Variants in OGT observed in about 807,000 individuals in gnomAD.
The protein encoded by OGT is UDP-N-acetylglucosamine--peptide N-acetylglucosaminyltransferase 110 kDa subunit.
A neutral mutation model predicts 75.8 loss-of-function variants in OGT; 3 were observed. The observed-to-expected ratio is 0.04, with a 90% CI of 0.02 to 0.10. OGT has a LOEUF of 0.10. Ranked by LOEUF, OGT falls within the 10% of genes least tolerant of loss-of-function variation. The pLI, the probability that OGT is intolerant of heterozygous loss-of-function variation, is 1.00. For missense variants in OGT, 260 were observed against 824.4 expected (o/e 0.32, Z 8.38); for synonymous variants, 257 against 289.7 (o/e 0.89, Z 1.15).
intron 5 of OGT, among the ~76,000 whole-genome samples, chrX:71,553,075 A>G (rs1477038570): frequency 8.9e-6 from 1 of 111,991 alleles, no homozygotes; most frequent in African/African-American, 3.2e-5. Flanking sequence ...TTGTCATCTA[A>G]GTGAAGATGA....
chrX:71,537,265 G>A (rs963385030), intron 2 of OGT, among the ~76,000 whole-genome samples: 2 of 110,393 alleles, frequency 1.8e-5, no homozygotes, highest in Non-Finnish European at 3.8e-5. Context: ...ACCGCGCCCG[G>A]CCAATGTGGT....
chrX:71,571,457 G>A (rs2040457821), intron 21 of OGT, among the ~76,000 whole-genome samples: 1 of 112,300 alleles, frequency 8.9e-6, no homozygotes, highest in African/African-American at 3.2e-5. Flanking sequence ...CTGGAGTACA[G>A]TGATACGATC....
intron 5 of OGT, among the ~76,000 whole-genome samples, chrX:71,548,381 G>A (rs1453221715): frequency 9.0e-6 from 1 of 111,312 alleles, no homozygotes; most frequent in Non-Finnish European, 1.9e-5. Context: ...AGGCTGCAGT[G>A]AGCTGTGACC....
In OGT at chrX:71,568,294, A is replaced by G. The variant is rs181446226; in HGVS notation, c.2966+178A>G. Among the ~76,000 whole-genome samples the G allele has an allele frequency of 3.1e-3, 353 of 112,842 alleles. 1 individual carries two copies. The highest frequency in any genetic ancestry group is 6.2e-3 in the Admixed American group (66 of 10,648). The stretch of plus-strand genomic sequence containing the variant: ...AGTGATCAATAGGTTTTACTATGTA[A>G]AAAGTAAATGGCTGAATAAAAAATA... On this transcript the variant is annotated intron_variant, in intron 21 of 21. Transcript: ENST00000373719.
chrX:71,541,267 G>C (rs2040216864), intron 3 of OGT, among the ~76,000 whole-genome samples: 1 of 111,922 alleles, frequency 8.9e-6, no homozygotes, highest in Non-Finnish European at 1.9e-5. Context: ...ACTTGTTACT[G>C]CTGAGCCTCT....
intron 4 of OGT, 147 bp downstream of exon 4, chrX:71,544,782 G>T: frequency 2.1e-6 from 1 of 477,340 alleles, no homozygotes; most frequent in Non-Finnish European, 3.6e-6. Flanking sequence ...TCAGAATAGA[G>T]CAGGGCCAGG....
intron 12 of OGT, among the ~76,000 whole-genome samples, chrX:71,559,020 C>T (rs1459163274): frequency 2.9e-5 from 3 of 103,674 alleles, no homozygotes; most frequent in South Asian, 4.5e-4. Flanking sequence ...TGACCTCAAG[C>T]GATCCACCTC....
At chrX:71,539,440 T>A (rs2040202160) in intron 3 of OGT, among the ~76,000 whole-genome samples, 1 of 111,797 alleles carries the variant, frequency 8.9e-6, no homozygotes, top group African/African-American at 3.3e-5. Flanking sequence ...TCCTCCTGCC[T>A]CAGCCTCCAG....
chrX:71,562,779 CTTGAT>C (rs1299498522), intron 15 of OGT, 63 bp from the exon 16 acceptor site: 3 of 944,277 alleles, frequency 3.2e-6, no homozygotes. Context: ...ATGTATGTGA[CTTGAT>C]GAATTTAGAG....
intron 7 of OGT, 68 bp from the exon 8 acceptor site, chrX:71,555,886 A>T (rs2040340244): frequency 8.9e-7 from 1 of 1,128,635 alleles, no homozygotes; most frequent in South Asian, 2.0e-5. Flanking sequence ...TTAAACAATT[A>T]TTAGAACAGT....
At chrX:71,567,960 T>A in intron 20 of OGT, 33 bp from the exon 21 acceptor site, 1 of 1,194,869 alleles carries the variant, frequency 8.4e-7, no homozygotes, top group Non-Finnish European at 1.1e-6. Flanking sequence ...TTTTACGTTC[T>A]CAGATGTGCA....
chrX:71,568,291 G>T lies in OGT; in HGVS notation c.2966+175G>T, dbSNP rs745606987. 4.4e-5 allele frequency among the ~76,000 whole-genome samples: 5 copies of T among 112,564 alleles called. No homozygotes were observed. In the South Asian group the frequency reaches 1.8e-3, roughly 41 times the overall value. ...TGAAGTGATCAATAGGTTTTACTAT[G>T]TAAAAAGTAAATGGCTGAATAAAAA... On this transcript the variant is annotated intron_variant, in intron 21 of 21. Transcript: ENST00000373719.
chrX:71,567,957 T>G, intron 20 of OGT, 36 bp from the exon 21 acceptor site: 1 of 1,192,652 alleles, frequency 8.4e-7, no homozygotes. Flanking sequence ...CTGTTTTACG[T>G]TCTCAGATGT....
Position 71,557,240 on chromosome X carries a change from C to A in OGT, c.1366C>A (p.Leu456Met), listed in dbSNP as rs939393427. Residue 456 changes from leucine (L) to methionine (M), a missense_variant, in exon 11 of 22, where the codon CTG (leucine) becomes ATG (methionine). By Grantham distance (15) the Leu-to-Met change is conservative (BLOSUM62 2). This residue lies in a region of OGT where 99 missense variants were observed against 417.9 expected (regional missense o/e 0.24). Transcript: ENST00000373719. ...PEAIASYRTALKLKPDFPDAY... is the reference protein window; with the variant it reads ...PEAIASYRTAMKLKPDFPDAY... ...AGCCATAGCTTCTTACCGCACGGCT[C>A]TGAAACTTAAGCCTGATTTTCCTGA... The A allele has an allele frequency of 8.3e-7, 1 of 1,207,007 alleles. No individual in the cohort carries two copies. The highest frequency in any genetic ancestry group is 1.1e-6 in the Non-Finnish European group (1 of 893,234).
chrX:71,536,507 C>T lies in OGT; in HGVS notation c.218+149C>T, dbSNP rs2040176710. ...CATCTGCTCTCTTGCCCACTTGTGA[C>T]ATGCCCAGCTGCCAGTTTTTCTCCT... On this transcript the variant is annotated intron_variant, in intron 2 of 21. Coordinates refer to ENST00000373719, the MANE Select transcript of OGT (RefSeq NM_181672.3). 3.5e-5 allele frequency: 14 copies of T among 398,242 alleles called. No individual in the cohort carries two copies. In the South Asian group the frequency reaches 1.1e-3, roughly 30 times the overall value. 32.8% of individuals were successfully genotyped at this position (398,242 alleles called of 1,213,427 possible).
At chrX:71,565,749 C>T (rs1569430324) in intron 19 of OGT, among the ~76,000 whole-genome samples, 1 of 112,453 alleles carries the variant, frequency 8.9e-6, no homozygotes, top group Non-Finnish European at 1.9e-5. Context: ...GCCGTTGTAG[C>T]ACGAAAATAA....
intron 5 of OGT, among the ~76,000 whole-genome samples, chrX:71,553,131 G>A (rs1385240399): frequency 1.8e-5 from 2 of 111,242 alleles, no homozygotes; most frequent in Admixed American, 9.5e-5. Context: ...TCGCTCTGTC[G>A]CCCAGGCTGG....
chrX:71,537,737 C>T, intron 2 of OGT, 92 bp from the exon 3 acceptor site: 2 of 1,033,739 alleles, frequency 1.9e-6, no homozygotes, highest in Non-Finnish European at 2.7e-6. Flanking sequence ...TGAGCAATAG[C>T]ACAGATCTCA....
chrX:71,564,546 A>G, intron 18 of OGT, 55 bp from the exon 19 acceptor site: 1 of 967,191 alleles, frequency 1.0e-6, no homozygotes, highest in South Asian at 2.1e-5. Context: ...TTATGGATTG[A>G]AATATTGGAC....
Sources: allele counts gnomAD v4.1 joint callset (sites outside exome capture counted in the v4.1 genomes callset), GRCh38; gene constraint gnomAD v4.1.1; regional missense constraint gnomAD v4.1.1; transcripts MANE v1.5; gene names NCBI Gene and HGNC (gene_info 2026-07-23, HGNC 2026-07-21).